The following SPTBN1 variants were observed in gnomAD, a reference collection of about 807,000 sequenced individuals.
SPTBN1 encodes the protein spectrin beta chain, non-erythrocytic 1.
In SPTBN1, 32 loss-of-function variants were observed where a neutral mutation model predicts 266.4. That is an observed-to-expected ratio of 0.12 (90% confidence interval 0.09 to 0.16). SPTBN1 has a LOEUF of 0.16. SPTBN1 is among the 10% of genes least tolerant of loss of function. The pLI, the probability that SPTBN1 is intolerant of heterozygous loss-of-function variation, is 1.00. For synonymous variants in SPTBN1, 1,336 were observed against 1,162.2 expected (o/e 1.15, Z -3.04); for missense variants, 2,296 against 3,067.1 (o/e 0.75, Z 5.94).
At chr2:54,587,703 C>A (rs1675382908) in intron 2 of SPTBN1, among the ~76,000 whole-genome samples, 1 of 152,104 alleles carries the variant, frequency 6.6e-6, no homozygotes, top group South Asian at 2.1e-4. Flanking sequence ...GCTGTTCCAC[C>A]CTTCTCATCC....
intron 1 of SPTBN1, among the ~76,000 whole-genome samples, chr2:54,463,584 A>T (rs921449432): frequency 6.6e-6 from 1 of 152,248 alleles, no homozygotes; most frequent in Non-Finnish European, 1.5e-5. Flanking sequence ...TCATCTGTAA[A>T]ATAGTCGTAA....
chr2:54,646,066 A>C lies in SPTBN1; in HGVS notation c.4584+49A>C. 6.2e-7 allele frequency: 1 copy of C among 1,613,048 alleles called. No homozygotes were observed. The highest frequency in any genetic ancestry group is 8.5e-7 in the Non-Finnish European group (1 of 1,179,230). ...TTCTGTCTGATAAATAATTGCTCTA[A>C]ATTATGAGACTGGGAATGGCAGAGA... is the stretch of plus-strand genomic sequence containing the variant. On this transcript the variant is annotated intron_variant, in intron 22 of 35. Coordinates refer to ENST00000356805, the MANE Select transcript of SPTBN1 (RefSeq NM_003128.3). The surrounding 1 kb of genome is among the most constrained non-coding windows in gnomAD (Gnocchi z 4.4).
chr2:54,546,153 C>T (rs1490368754), intron 2 of SPTBN1, among the ~76,000 whole-genome samples: 2 of 152,138 alleles, frequency 1.3e-5, no homozygotes, highest in Admixed American at 1.3e-4. Context: ...TTTGCCCTTC[C>T]GTGATCTCTA....
At chr2:54,518,507 C>CTG (rs1670245746) in intron 1 of SPTBN1, among the ~76,000 whole-genome samples, 1 of 148,716 alleles carries the variant, frequency 6.7e-6, no homozygotes, top group African/African-American at 2.5e-5. Flanking sequence ...TTTTTGGCAA[C>CTG]TGAACAGTTG....
Position 54,622,466 on chromosome 2 carries a change from G to A in SPTBN1, c.1043G>A (p.Arg348His), listed in dbSNP as rs748951777. 8 of 1,613,994 alleles carry A rather than the reference G, an allele frequency of 5.0e-6. No homozygotes were observed. In the South Asian group the frequency reaches 5.5e-5, roughly 11 times the overall value. ...CAGCTTCAGGCATTCAACACTTACC[G>A]CACTGTGGAGAAACCACCCAAGTAA... is the stretch of plus-strand genomic sequence containing the variant. ...QQQLQAFNTY[R>H]TVEKPPKFTE... is the part of the protein sequence containing the mutation. The change falls in exon 9 of 36, where the codon CGC becomes CAC. Residue 348 changes from arginine to histidine, a missense_variant. Physicochemically the swap from Arg to His is conservative, Grantham distance 29 (BLOSUM62 0). Around this residue, in one of 12 missense-constraint regions of SPTBN1, gnomAD observed 148 missense variants for 203.8 expected, o/e 0.73. Coordinates refer to ENST00000356805, the MANE Select transcript of SPTBN1 (RefSeq NM_003128.3).
Position 54,668,648 on chromosome 2 carries a change from C to T in SPTBN1, c.*79C>T. ...ATGCAAGCTCAGAACCAACACATTA[C>T]TCTCTGTGCCTAATGTTCCTCAATG... On this transcript the variant is annotated 3_prime_UTR_variant, in exon 36 of 36. Coordinates refer to ENST00000356805, the MANE Select transcript of SPTBN1 (RefSeq NM_003128.3). The T allele has an allele frequency of 3.7e-6, 5 of 1,341,212 alleles. No homozygotes were observed. In the Middle Eastern group the frequency reaches 5.5e-4, roughly 147 times the overall value. 83.1% of individuals were successfully genotyped at this position (1,341,212 alleles called of 1,614,324 possible).
intron 3 of SPTBN1, among the ~76,000 whole-genome samples, chr2:54,600,808 A>G (rs889994770): frequency 1.3e-5 from 2 of 148,814 alleles, no homozygotes; most frequent in Non-Finnish European, 3.0e-5. Flanking sequence ...TAGTCTGAAC[A>G]TTTATTTTTG....
chr2:54,473,392 A>T (rs569138214), intron 1 of SPTBN1, among the ~76,000 whole-genome samples: 2 of 152,300 alleles, frequency 1.3e-5, no homozygotes, highest in African/African-American at 4.8e-5. Flanking sequence ...TGGCAAATGA[A>T]TTCTATATGG....
At chr2:54,632,387 G>A (rs13426037) in intron 16 of SPTBN1, among the ~76,000 whole-genome samples, 179 bp from the exon 17 acceptor site, 6,628 of 152,146 alleles carry the variant, frequency 0.044, 451 homozygotes, top group African/African-American at 0.14. Flanking sequence ...AGGGAAATTC[G>A]GTCAGTTACA....
At chr2:54,654,955 CCAT>C (rs1680550914) in intron 27 of SPTBN1, 112 bp from the exon 28 acceptor site, 2 of 608,134 alleles carry the variant, frequency 3.3e-6, no homozygotes, top group Non-Finnish European at 4.6e-6. Context: ...ACCTGAAAGA[CCAT>C]CAGTTTCTTT....
intron 34 of SPTBN1, 65 bp downstream of exon 34, chr2:54,666,153 G>T: frequency 6.7e-7 from 1 of 1,499,826 alleles, no homozygotes; most frequent in Non-Finnish European, 9.0e-7. Context: ...CTGGGGTTTG[G>T]TTTTCTTATA....
chr2:54,465,488 T>C (rs1693578821), intron 1 of SPTBN1, among the ~76,000 whole-genome samples: 1 of 152,142 alleles, frequency 6.6e-6, no homozygotes, highest in Non-Finnish European at 1.5e-5. Flanking sequence ...TTACTTTCAG[T>C]GAATGGTATC....
chr2:54,558,183 G>C lies in SPTBN1; in HGVS notation c.148+31617G>C. ...GAGTCCAGGGCCCGGCCGGGGGTCG[G>C]CGGCTGCCGGGCGGCTGGGGCGACC... On this transcript the variant is annotated intron_variant, in intron 2 of 35. Transcript: ENST00000356805. This position sits in a 1 kb window ranked among gnomAD's most constrained non-coding sequence, Gnocchi z 4.6. 5 of 985,318 alleles carry C rather than the reference G, an allele frequency of 5.1e-6. No homozygotes were observed. Among genetic ancestry groups the C allele is most frequent in the Non-Finnish European group, 6.0e-6 (5 of 829,890 alleles). The allele number at this position is 985,318 out of a possible 1,614,324, so 61.0% of individuals were successfully genotyped here. A position where few individuals can be genotyped will look rare whatever the true frequency, so the allele number is the denominator to read the frequency against.
At chr2:54,457,119 G>GCCC (rs1693084639) in intron 1 of SPTBN1, 1 of 118,426 alleles carries the variant, frequency 8.4e-6, no homozygotes, top group African/African-American at 3.4e-5. Context: ...CCCCACCTCC[G>GCCC]CCCCATCCCT....
intron 1 of SPTBN1, among the ~76,000 whole-genome samples, chr2:54,508,704 A>T (rs1573299817): frequency 6.6e-6 from 1 of 152,136 alleles, no homozygotes; most frequent in Non-Finnish European, 1.5e-5. Context: ...TGGCCAGATG[A>T]GAAGGAGGAA....
chr2:54,534,161 T>A (rs1671456267), intron 2 of SPTBN1, among the ~76,000 whole-genome samples: 1 of 152,212 alleles, frequency 6.6e-6, no homozygotes. Flanking sequence ...ATCTCACGCC[T>A]GGACTCATTG....
chr2:54,642,842 T>C, intron 18 of SPTBN1, 141 bp from the exon 19 acceptor site: 1 of 1,035,408 alleles, frequency 9.7e-7, no homozygotes, highest in Non-Finnish European at 1.4e-6. Flanking sequence ...GGGTCAGAGT[T>C]GTGAAGTTAA....
rs1680444206 is a variant in SPTBN1, at chr2:54,653,509, G to C, written c.5578-100G>C. ...GGGGCATGGGCCATATTTTGACTCT[G>C]TGCTCCCTTTAGTGTATGAGCAGAA... On this transcript the variant is annotated intron_variant, in intron 26 of 35. Transcript: ENST00000356805. This position sits in a 1 kb window ranked among gnomAD's most constrained non-coding sequence, Gnocchi z 5.1. The C allele has an allele frequency of 1.3e-6, 2 of 1,520,222 alleles. No individual in the cohort carries two copies. Among genetic ancestry groups the C allele is most frequent in the Admixed American group, 4.5e-5 (2 of 44,058 alleles). The allele number at this position is 1,520,222 out of a possible 1,614,324, so 94.2% of individuals were successfully genotyped here.
chr2:54,600,453 AC>A (rs59543728), intron 3 of SPTBN1, among the ~76,000 whole-genome samples: 3,950 of 152,066 alleles, frequency 0.026, 164 homozygotes, highest in African/African-American at 0.088. Flanking sequence ...AATAACGGAG[AC>A]CCCTGCTCAA....
Sources: gnomAD v4.1 joint callset for allele counts (sites outside exome capture counted in the v4.1 genomes callset) on GRCh38, gnomAD v4.1.1 for gene constraint, gnomAD v4.1.1 regional missense constraint, Gnocchi (gnomAD v3.1) non-coding constraint, MANE v1.5 for transcripts, NCBI Gene and HGNC (gene_info 2026-07-23, HGNC 2026-07-21) for gene names.